The following MAGEB3 variants were observed in gnomAD, a reference collection of about 807,000 sequenced individuals.
The protein encoded by MAGEB3 is melanoma-associated antigen B3.
For synonymous variants in MAGEB3, 91 were observed against 93.0 expected (o/e 0.98, Z 0.12); for missense variants, 191 against 262.4 (o/e 0.73, Z 1.88).
intron 1 of MAGEB3, 46 bp downstream of exon 1, chrX:30,230,863 C>T (rs1380605139): frequency 1.8e-5 from 2 of 111,557 alleles, no homozygotes; most frequent in African/African-American, 6.5e-5. Flanking sequence ...GGGGACTTCT[C>T]GGAGCCCAAT....
intron 4 of MAGEB3, among the ~76,000 whole-genome samples, chrX:30,235,663 C>T (rs759413066): frequency 3.6e-5 from 4 of 111,938 alleles, no homozygotes; most frequent in Non-Finnish European, 5.6e-5. Flanking sequence ...ATACACAGAA[C>T]AGGGCTGGCA....
chrX:30,235,725 A>G (rs1040015079), intron 4 of MAGEB3, 139 bp from the exon 5 acceptor site: 1 of 408,920 alleles, frequency 2.4e-6, no homozygotes, highest in Admixed American at 4.7e-5. Context: ...CTCAGAGGAC[A>G]AACTGATCAG....
intron 1 of MAGEB3, 92 bp downstream of exon 1, chrX:30,230,909 T>C (rs1924759674): frequency 9.0e-6 from 1 of 111,541 alleles, no homozygotes; most frequent in Non-Finnish European, 1.9e-5. Flanking sequence ...TAGGCAGAGC[T>C]ATAAAACTGG....
chrX:30,231,635 C>T lies in MAGEB3; in HGVS notation c.-254+17C>T, dbSNP rs753434942. 9.1e-4 allele frequency: 70 copies of T among 77,269 alleles called. 1 individual carries two copies. The highest frequency in any genetic ancestry group is 3.6e-3 in the African/African-American group (67 of 18,604). 6.4% of individuals were successfully genotyped at this position (77,269 alleles called of 1,213,427 possible). On this transcript the variant is annotated intron_variant, in intron 2 of 4. Coordinates refer to ENST00000361644, the MANE Select transcript of MAGEB3 (RefSeq NM_002365.5). ...GAGGTTGTGGTAAGTCAAGATTGCG[C>T]GGCTACACTCCAGCCTGGAAGACAG...
chrX:30,236,072 A>G lies in MAGEB3; in HGVS notation c.148A>G (p.Ile50Val). Residue 50 changes from isoleucine to valine, a missense_variant, in exon 5 of 5, where the codon ATC (isoleucine) becomes GTC (valine). Ile to Val is a conservative substitution (Grantham distance 29, BLOSUM62 3). Transcript: ENST00000361644. Reference sequence around the variant, plus strand: ...ATCCCCTCTTATTTTGGGGGCTACTATCCAGAAAAAGTCTGCTGGTAGGTC... The same window carrying G: ...ATCCCCTCTTATTTTGGGGGCTACTGTCCAGAAAAAGTCTGCTGGTAGGTC... ...FSSPLILGATIQKKSAGRSRS... is the reference protein window; with the variant it reads ...FSSPLILGATVQKKSAGRSRS... 4.1e-6 allele frequency: 5 copies of G among 1,211,298 alleles called. No individual in the cohort carries two copies. The highest frequency in any genetic ancestry group is 5.6e-6 in the Non-Finnish European group (5 of 895,222).
At position 30,235,861 on chromosome X, in the gene MAGEB3, C is replaced by T; in HGVS notation, c.-61-3C>T. Reference sequence around the variant, plus strand: ...ATACCCTCTCTTTCTCTCTCTCCTCCAGGTGCCTGTATCACCTGCCCTTCT... The same window carrying T: ...ATACCCTCTCTTTCTCTCTCTCCTCTAGGTGCCTGTATCACCTGCCCTTCT... On this transcript the variant is annotated splice_polypyrimidine_tract_variant and splice_region_variant and intron_variant, in intron 4 of 4. Coordinates refer to ENST00000361644, the MANE Select transcript of MAGEB3 (RefSeq NM_002365.5). 1.2e-6 allele frequency: 1 copy of T among 855,659 alleles called. No homozygotes were observed. The highest frequency in any genetic ancestry group is 1.7e-6 in the Non-Finnish European group (1 of 597,720). 70.5% of individuals were successfully genotyped at this position (855,659 alleles called of 1,213,427 possible). A position where few individuals can be genotyped will look rare whatever the true frequency, so the allele number is the denominator to read the frequency against.
At chrX:30,232,331 A>C (rs1601960425) in intron 2 of MAGEB3, among the ~76,000 whole-genome samples, 1 of 111,266 alleles carries the variant, frequency 9.0e-6, no homozygotes, top group East Asian at 2.8e-4. Context: ...CAAGATGAAG[A>C]CCAAGCCGGT....
At chrX:30,235,148 A>C (rs1251731898) in intron 4 of MAGEB3, among the ~76,000 whole-genome samples, 2 of 110,076 alleles carry the variant, frequency 1.8e-5, no homozygotes, top group African/African-American at 6.6e-5. Flanking sequence ...TAGTGATACA[A>C]CTCCTCCCAC....
In MAGEB3 at chrX:30,236,084, T is replaced by C. The variant is rs145229582; in HGVS notation, c.160T>C (p.Ser54Pro). 1.9e-4 allele frequency: 234 copies of C among 1,209,188 alleles called. No homozygotes were observed. In the African/African-American group the frequency reaches 3.9e-3, roughly 20 times the overall value. ...LILGATIQKK[S>P]AGRSRSALKK... ...TTTGGGGGCTACTATCCAGAAAAAG[T>C]CTGCTGGTAGGTCACGTAGTGCTCT... The change falls in exon 5 of 5, where the codon TCT (serine) becomes CCT (proline). Residue 54 changes from serine (S) to proline (P), a missense_variant. Ser to Pro is a moderately conservative substitution (Grantham distance 74, BLOSUM62 -1). Transcript: ENST00000361644.
chrX:30,235,857 C>T lies in MAGEB3; in HGVS notation c.-61-7C>T. 1.2e-6 allele frequency: 1 copy of T among 824,328 alleles called. No homozygotes were observed. The allele number at this position is 824,328 out of a possible 1,213,427, so 67.9% of individuals were successfully genotyped here. A position where few individuals can be genotyped will look rare whatever the true frequency, so the allele number is the denominator to read the frequency against. On this transcript the variant is annotated splice_polypyrimidine_tract_variant and splice_region_variant and intron_variant, in intron 4 of 4. Transcript: ENST00000361644. ...ACTCATACCCTCTCTTTCTCTCTCT[C>T]CTCCAGGTGCCTGTATCACCTGCCC...
chrX:30,232,402 G>GC (rs1412281939), intron 2 of MAGEB3, among the ~76,000 whole-genome samples: 2 of 105,035 alleles, frequency 1.9e-5, no homozygotes, highest in Non-Finnish European at 3.9e-5. Flanking sequence ...AACTGTTTGG[G>GC]CCCCCCCAGG....
intron 1 of MAGEB3, among the ~76,000 whole-genome samples, chrX:30,231,154 CAAAA>C (rs753383524): frequency 2.3e-5 from 2 of 87,432 alleles, no homozygotes; most frequent in Admixed American, 2.6e-4. Context: ...CCTGTCTCTA[CAAAA>C]AAAAAAAAAA....
chrX:30,231,414 G>A (rs990734051), intron 1 of MAGEB3, 103 bp from the exon 2 acceptor site: 2 of 108,917 alleles, frequency 1.8e-5, no homozygotes, highest in African/African-American at 6.6e-5. Context: ...AGGTTGCAGT[G>A]AGCCAAGATA....
Position 30,237,305 on chromosome X carries a change from T to TA in MAGEB3, c.*351dup, listed in dbSNP as rs1186432353. 6.4e-3 allele frequency: 1,025 copies of TA among 159,611 alleles called. No individual in the cohort carries two copies. The highest frequency in any genetic ancestry group is 0.011 in the East Asian group (73 of 6,869). The allele number at this position is 159,611 out of a possible 1,213,427, so 13.2% of individuals were successfully genotyped here. A position where few individuals can be genotyped will look rare whatever the true frequency, so the allele number is the denominator to read the frequency against. On this transcript the variant is annotated 3_prime_UTR_variant, in exon 5 of 5. Coordinates refer to ENST00000361644, the MANE Select transcript of MAGEB3 (RefSeq NM_002365.5). ...GAATAAGCATTTCCTTGAAAATGTT[T>TA]AAAAAAAAAAAGTCAGCAGTAAAAT... is the stretch of plus-strand genomic sequence containing the variant.
Position 30,232,623 on chromosome X carries a change from A to G in MAGEB3, c.-253-204A>G, listed in dbSNP as rs1462275672. ...GTGACAGAGAGAAACACTGTCTCAA[A>G]TTAGCCGGGCGTGGTGCGGCGCACG... On this transcript the variant is annotated intron_variant, in intron 2 of 4. Transcript: ENST00000361644. 6.5e-4 allele frequency among the ~76,000 whole-genome samples: 66 copies of G among 101,987 alleles called. 1 individual carries two copies. The highest frequency in any genetic ancestry group is 4.0e-4 in the Non-Finnish European group (20 of 49,975). 88.6% of individuals were successfully genotyped at this position (101,987 alleles called of 115,157 possible).
chrX:30,231,225 G>T (rs1488693064), intron 1 of MAGEB3, among the ~76,000 whole-genome samples: 4 of 107,395 alleles, frequency 3.7e-5, no homozygotes, highest in Non-Finnish European at 7.8e-5. Flanking sequence ...GGCTGAGGTG[G>T]GAGGATCGCT....
rs1468005064 is a variant in MAGEB3, at chrX:30,236,844, A to T, written c.920A>T (p.Tyr307Phe). The change falls in exon 5 of 5, where the codon TAT (tyrosine) becomes TTT (phenylalanine). Residue 307 changes from tyrosine to phenylalanine, a missense_variant. Coordinates refer to ENST00000361644, the MANE Select transcript of MAGEB3 (RefSeq NM_002365.5). ...KTVPSAFQFWYEEALRDEEER... is the reference protein window; with the variant it reads ...KTVPSAFQFWFEEALRDEEER... The stretch of plus-strand genomic sequence containing the variant: ...GTCCCCAGTGCGTTCCAGTTCTGGT[A>T]TGAAGAGGCTTTGAGAGATGAGGAA... 1 of 1,211,919 alleles carries T rather than the reference A, an allele frequency of 8.3e-7. No individual in the cohort carries two copies. Among genetic ancestry groups the T allele is most frequent in the South Asian group, 1.8e-5 (1 of 57,008 alleles).
At chrX:30,231,155 A>C (rs1283216811) in intron 1 of MAGEB3, among the ~76,000 whole-genome samples, 2 of 39,824 alleles carry the variant, frequency 5.0e-5, no homozygotes, top group Non-Finnish European at 1.2e-4. Flanking sequence ...CTGTCTCTAC[A>C]AAAAAAAAAA....
Position 30,236,717 on chromosome X carries a change from A to G in MAGEB3, c.793A>G (p.Asn265Asp), listed in dbSNP as rs1400712914. 1 of 1,212,338 alleles carries G rather than the reference A, an allele frequency of 8.2e-7. No individual in the cohort carries two copies. The highest frequency in any genetic ancestry group is 1.8e-5 in the South Asian group (1 of 57,024). The change falls in exon 5 of 5, where the codon AAC becomes GAC. Residue 265 changes from asparagine (N) to aspartate (D), a missense_variant. Asn to Asp is a conservative substitution (Grantham distance 23). Transcript: ENST00000361644. ...LKYLEYRQVPNSNPARYEFLW... is the reference protein window; with the variant it reads ...LKYLEYRQVPDSNPARYEFLW... ...ATACCTGGAGTACCGACAAGTGCCC[A>G]ACAGTAATCCTGCACGCTATGAATT...
Sources: gnomAD v4.1 joint callset for allele counts (sites outside exome capture counted in the v4.1 genomes callset) on GRCh38, gnomAD v4.1.1 for gene constraint, MANE v1.5 for transcripts, NCBI Gene and HGNC (gene_info 2026-07-23, HGNC 2026-07-21) for gene names.